The following VGLL3 variants were observed in gnomAD, a reference collection of about 807,000 sequenced individuals.
VGLL3 encodes transcription cofactor vestigial-like protein 3.
In VGLL3, 18 loss-of-function variants were observed where a neutral mutation model predicts 29.2. That is an observed-to-expected ratio of 0.62 (90% CI 0.43 to 0.91). The LOEUF (loss-of-function observed/expected upper bound fraction) is 0.91. Ranked by LOEUF, VGLL3 falls within the 40% of genes least tolerant of loss-of-function variation. The pLI is 0.00. For synonymous variants in VGLL3, 180 were observed against 151.8 expected, an observed-to-expected ratio of 1.19 and a Z score of -1.36; for missense variants, 440 against 413.2, an observed-to-expected ratio of 1.06 and a Z score of -0.56.
intron 3 of VGLL3, among the ~76,000 whole-genome samples, chr3:86,948,730 T>C (rs957777971): frequency 6.6e-6 from 1 of 152,176 alleles, no homozygotes; most frequent in Non-Finnish European, 1.5e-5. Flanking sequence ...ACAAGCATAC[T>C]GGTTTTATGC....
chr3:86,989,062 C>A (rs972675573), intron 1 of VGLL3, among the ~76,000 whole-genome samples: 1 of 152,012 alleles, frequency 6.6e-6, no homozygotes, highest in Admixed American at 6.6e-5. Flanking sequence ...TTCTCTGATA[C>A]CGAATGTTAT....
intron 1 of VGLL3, among the ~76,000 whole-genome samples, chr3:86,987,425 T>C (rs1409116464): frequency 6.6e-6 from 1 of 152,178 alleles, no homozygotes; most frequent in East Asian, 1.9e-4. Flanking sequence ...TACTCCATTT[T>C]ATATGAAGCC....
In VGLL3 at chr3:86,988,611, G is replaced by C. The variant is rs369203007; in HGVS notation, c.126+2007C>G. 4.3e-5 allele frequency among the ~76,000 whole-genome samples: 4 copies of C among 93,120 alleles called. No individual in the cohort carries two copies. The South Asian group carries it at 1.6e-3, about 38-fold the overall frequency. 61.1% of individuals were successfully genotyped at this position (93,120 alleles called of 152,430 possible). ...CTTTTTTTTTTTATTTCGTTAGCCA[G>C]TTATGGTCAAACAGTTTCTTTACTT... On this transcript the variant is annotated intron_variant, in intron 1 of 3. Transcript: ENST00000398399.
chr3:86,990,721 T>TAC lies in VGLL3; in HGVS notation c.21_22dup (p.Tyr8CysfsTer39). 7.5e-7 allele frequency: 1 copy of TAC among 1,342,272 alleles called. No homozygotes were observed. Among genetic ancestry groups the TAC allele is most frequent in the Non-Finnish European group, 9.6e-7 (1 of 1,038,608 alleles). 83.1% of individuals were successfully genotyped at this position (1,342,272 alleles called of 1,614,324 possible). A position where few individuals can be genotyped will look rare whatever the true frequency, so the allele number is the denominator to read the frequency against. On this transcript the variant is annotated frameshift_variant, in exon 1 of 4. Coordinates refer to ENST00000398399, the MANE Select transcript of VGLL3 (RefSeq NM_016206.4). LOFTEE classifies it high-confidence loss of function. ...GGACGCTCCATAAGGCTGGGGGTGATACATCACCTCCGCACAACTCATGGC... is the reference window on the plus strand; with the variant it reads ...GGACGCTCCATAAGGCTGGGGGTGATACACATCACCTCCGCACAACTCATGGC...
At chr3:86,977,017 T>A (rs1278601065) in intron 2 of VGLL3, among the ~76,000 whole-genome samples, 1 of 152,228 alleles carries the variant, frequency 6.6e-6, no homozygotes, top group Non-Finnish European at 1.5e-5. Flanking sequence ...ATAAGCATCA[T>A]AGGCTTCCAA....
intron 3 of VGLL3, among the ~76,000 whole-genome samples, chr3:86,951,409 T>C (rs1320890791): frequency 6.6e-6 from 1 of 152,142 alleles, no homozygotes; most frequent in Non-Finnish European, 1.5e-5. Context: ...TATAAGGGCA[T>C]TGATTTACAT....
At chr3:86,969,257 C>G in intron 2 of VGLL3, 134 bp from the exon 3 acceptor site, 1 of 1,116,578 alleles carries the variant, frequency 9.0e-7, no homozygotes, top group Admixed American at 2.9e-5. Flanking sequence ...TTATTCTCCC[C>G]AAACAGGGGT....
At chr3:86,986,042 C>T (rs2575746) in intron 1 of VGLL3, among the ~76,000 whole-genome samples, 87,857 of 151,176 alleles carry the variant, frequency 0.58, 29,059 homozygotes, top group Non-Finnish European at 0.72. Context: ...CACACACACA[C>T]GTATACACAC....
chr3:86,958,150 A>G (rs1044112627), intron 3 of VGLL3, among the ~76,000 whole-genome samples: 19 of 152,110 alleles, frequency 1.2e-4, no homozygotes, highest in African/African-American at 4.3e-4. Flanking sequence ...CTTGATGGTA[A>G]TCGCTCAATT....
At chr3:86,990,348 A>G in intron 1 of VGLL3, 3 of 985,396 alleles carry the variant, frequency 3.0e-6, no homozygotes, top group Non-Finnish European at 2.4e-6. Flanking sequence ...ACTGAGTCCT[A>G]AGAGCTAGGG....
intron 1 of VGLL3, among the ~76,000 whole-genome samples, chr3:86,985,434 T>C (rs927284472): frequency 3.3e-5 from 5 of 152,230 alleles, no homozygotes; most frequent in African/African-American, 4.8e-5. Context: ...ACCTGTTGAA[T>C]TTAAGTCATT....
At chr3:86,953,800 C>T (rs2106971390) in intron 3 of VGLL3, among the ~76,000 whole-genome samples, 1 of 152,078 alleles carries the variant, frequency 6.6e-6, no homozygotes, top group Non-Finnish European at 1.5e-5. Context: ...ATTTAGTATA[C>T]TTTTAGGTAT....
At chr3:86,952,216 A>T (rs1204095036) in intron 3 of VGLL3, among the ~76,000 whole-genome samples, 1 of 152,184 alleles carries the variant, frequency 6.6e-6, no homozygotes, top group Non-Finnish European at 1.5e-5. Flanking sequence ...CTGCCAGTGG[A>T]TTGAACTAAG....
At chr3:86,949,007 C>T (rs1377202979) in intron 3 of VGLL3, among the ~76,000 whole-genome samples, 1 of 152,148 alleles carries the variant, frequency 6.6e-6, no homozygotes, top group Non-Finnish European at 1.5e-5. Flanking sequence ...TAAAACATCT[C>T]ATCCTCTGTA....
intron 1 of VGLL3, among the ~76,000 whole-genome samples, chr3:86,980,807 A>G (rs1705310642): frequency 2.6e-5 from 4 of 151,922 alleles, no homozygotes; most frequent in Admixed American, 2.6e-4. Context: ...TCTCTGCTGA[A>G]TATTCGGGCA....
At chr3:86,990,471 G>A (rs1212171600) in intron 1 of VGLL3, 147 bp downstream of exon 1, 7 of 1,240,768 alleles carry the variant, frequency 5.6e-6, no homozygotes, top group African/African-American at 1.6e-5. Context: ...CGGCTCTCTC[G>A]GGATGGCTTT....
rs922526248 is a variant in VGLL3 at position 86,945,637 on chromosome 3, T to C, written c.*1387A>G. On this transcript the variant is annotated 3_prime_UTR_variant, in exon 4 of 4. Transcript: ENST00000398399. ...TAAACTTTATTTAGATCCTGAGAGC[T>C]ATATCAAGTTAAATCCTCAAATTTT... is the stretch of plus-strand genomic sequence containing the variant. 7 of 152,196 alleles carry C rather than the reference T, an allele frequency of 4.6e-5. No individual in the cohort carries two copies. The highest frequency in any genetic ancestry group is 1.7e-4 in the African/African-American group (7 of 41,468). 9.4% of individuals were successfully genotyped at this position (152,196 alleles called of 1,614,324 possible). A position where few individuals can be genotyped will look rare whatever the true frequency, so the allele number is the denominator to read the frequency against.
At chr3:86,972,704 A>T (rs185662635) in intron 2 of VGLL3, among the ~76,000 whole-genome samples, 1 of 152,322 alleles carries the variant, frequency 6.6e-6, no homozygotes, top group East Asian at 1.9e-4. Context: ...TGAAGAAAAT[A>T]CAATACTTTA....
At chr3:86,990,420 T>A in intron 1 of VGLL3, 198 bp downstream of exon 1, 1 of 982,466 alleles carries the variant, frequency 1.0e-6, no homozygotes, top group Non-Finnish European at 1.2e-6. Flanking sequence ...CCCAGCTAGG[T>A]CATGCCTCAC....
Sources: gnomAD v4.1 joint callset for allele counts (sites outside exome capture counted in the v4.1 genomes callset) on GRCh38, gnomAD v4.1.1 for gene constraint, MANE v1.5 for transcripts, NCBI Gene and HGNC (gene_info 2026-07-23, HGNC 2026-07-21) for gene names.